Variants in MLPH observed in about 807,000 individuals in gnomAD.
The protein encoded by MLPH is melanophilin, also known as exophilin-3.
A neutral mutation model predicts 72.1 loss-of-function variants in MLPH; 51 were observed. The ratio of observed to expected loss-of-function variants is 0.71; its 90% confidence interval spans 0.56 to 0.89. The LOEUF is 0.89. Among genes scored for constraint, MLPH ranks in the 40% least tolerant of loss-of-function variants. MLPH has a pLI of 0.00. For synonymous variants in MLPH, 301 were observed against 310.1 expected, an observed-to-expected ratio of 0.97 and a Z score of 0.31; for missense variants, 743 against 759.9, an observed-to-expected ratio of 0.98 and a Z score of 0.26.
At chr2:237,526,483 T>C (rs2106341664) in intron 7 of MLPH, among the ~76,000 whole-genome samples, 2 of 152,238 alleles carry the variant, frequency 1.3e-5, no homozygotes, top group African/African-American at 4.8e-5. Context: ...GACGGGGACC[T>C]TGGAGGCTTT....
chr2:237,554,827 T>C lies in MLPH; in HGVS notation c.*1235T>C, dbSNP rs561178608. The stretch of plus-strand genomic sequence containing the variant: ...TAAAACTAAGGTTTGAATCTCAAAG[T>C]GTTGCTGGGAGGCTGATACTCCTGC... On this transcript the variant is annotated 3_prime_UTR_variant, in exon 16 of 16. Coordinates refer to ENST00000264605, the MANE Select transcript of MLPH (RefSeq NM_024101.7). 6.6e-6 allele frequency: 1 copy of C among 152,360 alleles called. No homozygotes were observed. Among genetic ancestry groups the C allele is most frequent in the Non-Finnish European group, 1.5e-5 (1 of 68,034 alleles). 9.4% of individuals were successfully genotyped at this position (152,360 alleles called of 1,614,324 possible).
At chr2:237,516,914 A>ATGGAT (rs1559350480) in intron 4 of MLPH, among the ~76,000 whole-genome samples, 2,758 of 119,192 alleles carry the variant, frequency 0.023, 124 homozygotes, top group African/African-American at 0.1. Flanking sequence ...GATGGATGGT[A>ATGGAT]GGATGGATGG....
At chr2:237,552,167 A>G in intron 14 of MLPH, 170 bp from the exon 15 acceptor site, 1 of 593,000 alleles carries the variant, frequency 1.7e-6, no homozygotes, top group East Asian at 2.9e-5. Flanking sequence ...GTTGATTTGC[A>G]TGACAGCTGA....
chr2:237,504,300 T>TC (rs1413403363), intron 2 of MLPH, among the ~76,000 whole-genome samples: 1 of 152,216 alleles, frequency 6.6e-6, no homozygotes, highest in African/African-American at 2.4e-5. Context: ...CACTGCAACC[T>TC]CCACCTCCTG....
At chr2:237,539,078 G>A (rs1015730843) in intron 9 of MLPH, among the ~76,000 whole-genome samples, 3 of 152,182 alleles carry the variant, frequency 2.0e-5, no homozygotes, top group Admixed American at 2.0e-4. Context: ...GGAGCCGGAC[G>A]TAGTGGCAGA....
At chr2:237,540,575 G>C in intron 10 of MLPH, 42 bp downstream of exon 10, 1 of 1,583,412 alleles carries the variant, frequency 6.3e-7, no homozygotes, top group Non-Finnish European at 8.6e-7. Flanking sequence ...CCCTGCAGAG[G>C]TAGGGGCAGG....
At chr2:237,518,096 G>T (rs1216694277) in intron 4 of MLPH, 2 of 330,008 alleles carry the variant, frequency 6.1e-6, no homozygotes, top group Admixed American at 8.5e-5. Flanking sequence ...ATGGATTGAT[G>T]ATGAGTGGGT....
intron 2 of MLPH, among the ~76,000 whole-genome samples, chr2:237,498,293 T>C (rs2079577130): frequency 6.6e-6 from 1 of 152,196 alleles, no homozygotes; most frequent in Admixed American, 6.5e-5. Flanking sequence ...AGCAGATGTG[T>C]GTCAGATGGA....
intron 7 of MLPH, among the ~76,000 whole-genome samples, chr2:237,526,349 G>A (rs1410333515): frequency 6.6e-6 from 1 of 152,172 alleles, no homozygotes; most frequent in Non-Finnish European, 1.5e-5. Context: ...CATCGGAACA[G>A]GAGCAAGTAA....
intron 6 of MLPH, among the ~76,000 whole-genome samples, chr2:237,523,911 G>C (rs188221565): frequency 2.6e-4 from 38 of 146,488 alleles, no homozygotes; most frequent in African/African-American, 9.6e-4. Context: ...TGAAGGCCTC[G>C]GGTAAGTAAT....
At chr2:237,500,084 A>G (rs59550850) in intron 2 of MLPH, among the ~76,000 whole-genome samples, 15,875 of 152,260 alleles carry the variant, frequency 0.1, 981 homozygotes, top group East Asian at 0.2. Flanking sequence ...GAAAAATCCA[A>G]TAATGGTAGC....
intron 8 of MLPH, among the ~76,000 whole-genome samples, chr2:237,533,922 C>T (rs1450378206): frequency 6.6e-6 from 1 of 152,218 alleles, no homozygotes; most frequent in Non-Finnish European, 1.5e-5. Context: ...CACTCCACAG[C>T]ACCATTTCCC....
intron 1 of MLPH, among the ~76,000 whole-genome samples, chr2:237,487,901 C>T (rs969346356): frequency 6.6e-6 from 1 of 152,016 alleles, no homozygotes; most frequent in African/African-American, 2.4e-5. Context: ...TTCCTCTGGG[C>T]GTCTAAAAGT....
intron 1 of MLPH, among the ~76,000 whole-genome samples, chr2:237,489,523 A>G (rs932495061): frequency 8.5e-5 from 13 of 152,158 alleles, no homozygotes; most frequent in African/African-American, 3.1e-4. Flanking sequence ...AAATAACCAT[A>G]CAGGCTGACC....
At chr2:237,540,023 T>C (rs760253368) in intron 9 of MLPH, among the ~76,000 whole-genome samples, 3 of 152,182 alleles carry the variant, frequency 2.0e-5, no homozygotes, top group Non-Finnish European at 4.4e-5. Context: ...TCCTCATCCC[T>C]AGAGTAAGGA....
chr2:237,501,564 C>T (rs2079647484), intron 2 of MLPH, among the ~76,000 whole-genome samples: 3 of 150,204 alleles, frequency 2.0e-5, no homozygotes, highest in Admixed American at 6.7e-5. Context: ...CAGTGGCTCA[C>T]ACCTGTAATC....
chr2:237,540,251 G>A, intron 9 of MLPH, 97 bp from the exon 10 acceptor site: 9 of 1,375,330 alleles, frequency 6.5e-6, no homozygotes, highest in Non-Finnish European at 9.1e-6. Flanking sequence ...AGGAACCCCA[G>A]GTGTGCTGGG....
In MLPH at chr2:237,540,269, C is replaced by G. The variant is rs73100959; in HGVS notation, c.1105-79C>G. 7.3e-4 allele frequency: 1,111 copies of G among 1,520,326 alleles called. 6 individuals carry two copies. The African/African-American group carries it at 0.013, about 17-fold the overall frequency. 94.2% of individuals were successfully genotyped at this position (1,520,326 alleles called of 1,614,324 possible). On this transcript the variant is annotated intron_variant, in intron 9 of 15. Transcript: ENST00000264605. ...AACCCCAGGTGTGCTGGGCCCTGGC[C>G]CATCTCCCAGAGCCAGCCCTGGAGC...
rs778835186 is a variant in MLPH, at chr2:237,540,837, A to T, written c.1326A>T (p.Glu442Asp). The change falls in exon 11 of 16, where the codon GAA (glutamate) becomes GAT (aspartate). Residue 442 changes from glutamate to aspartate, a missense_variant. By Grantham distance (45) the Glu-to-Asp change is conservative (BLOSUM62 2). Coordinates refer to ENST00000264605, the MANE Select transcript of MLPH (RefSeq NM_024101.7). ...CTGCCCATCAAACCAACAGACAGGA[A>T]AAAAGCCCCCAGGACCCTGGGGACC... is the stretch of plus-strand genomic sequence containing the variant. ...GTAAHQTNRQEKSPQDPGDPV... is the reference protein window; with the variant it reads ...GTAAHQTNRQDKSPQDPGDPV... The T allele has an allele frequency of 1.2e-6, 2 of 1,613,412 alleles. No homozygotes were observed. The highest frequency in any genetic ancestry group is 8.5e-7 in the Non-Finnish European group (1 of 1,179,992).
Sources: gnomAD v4.1 joint callset for allele counts (sites outside exome capture counted in the v4.1 genomes callset) on GRCh38, gnomAD v4.1.1 for gene constraint, MANE v1.5 for transcripts, NCBI Gene and HGNC (gene_info 2026-07-23, HGNC 2026-07-21) for gene names.